MAP7D3: variants seen among roughly 807,000 people sequenced by gnomAD.
MAP7D3 encodes MAP7 domain containing 3, also known as MAP7 domain-containing protein 3.
A neutral mutation model predicts 62.2 loss-of-function variants in MAP7D3; 45 were observed. The observed-to-expected ratio is 0.72, with a 90% CI of 0.57 to 0.93. The LOEUF (loss-of-function observed/expected upper bound fraction) is 0.93. Ranked by LOEUF, MAP7D3 falls within the 40% of genes least tolerant of loss-of-function variation. The probability of loss-of-function intolerance (pLI) is 0.00; values close to 1 mark genes in which losing one functional copy is unlikely to be tolerated. For synonymous variants in MAP7D3, 288 were observed against 248.8 expected (o/e 1.16, Z -1.48); for missense variants, 711 against 683.1 (o/e 1.04, Z -0.45).
chrX:136,256,472 C>T (rs1452031970), exon 1 of MAP7D3: 1 of 522,243 alleles, frequency 1.9e-6, no homozygotes, highest in Non-Finnish European at 2.9e-6. Flanking sequence ...TGCTCTGTAC[C>T]ATTTCCTTTT....
At chrX:136,214,587 G>T (rs1389101526), downstream of MAP7D3, 1 of 111,996 alleles carries the variant, frequency 8.9e-6, no homozygotes, top group Non-Finnish European at 1.9e-5. Flanking sequence ...GATCAGAGAA[G>T]AGCAACAACG....
At chrX:136,219,779 A>G (rs1312376285) in intron 16 of MAP7D3, 108 bp from the exon 17 acceptor site, 1 of 625,067 alleles carries the variant, frequency 1.6e-6, no homozygotes, top group African/African-American at 2.2e-5. Context: ...TTGGAATTAA[A>G]AAACATTTCA....
chrX:136,224,963 T>G, intron 13 of MAP7D3, 83 bp from the exon 14 acceptor site: 1 of 627,446 alleles, frequency 1.6e-6, no homozygotes, highest in Admixed American at 2.6e-5. Context: ...TTATCCCCAT[T>G]TCACAGAGGT....
chrX:136,229,984 TA>T (rs1470963603), intron 10 of MAP7D3, among the ~76,000 whole-genome samples: 13 of 63,305 alleles, frequency 2.1e-4, no homozygotes, highest in African/African-American at 7.8e-4. Flanking sequence ...TATATATATA[TA>T]TATATATATT....
rs1425415449 is a variant in MAP7D3, at chrX:136,251,341, G to A, written c.18C>T (p.Ala6=). ...ATGGGCTGCCGCCAGCGCCAGCTGC[G>A]GCGCCGTCCGCCATCATCGGAGTCG... The part of the protein sequence containing the change: MMADG[A]AAGAGGSPSL... The change falls in exon 1 of 19, where the codon GCC becomes GCT. Residue 6 remains alanine (A), a synonymous_variant. Transcript: ENST00000316077. The A allele has an allele frequency of 9.8e-6, 11 of 1,125,289 alleles. No homozygotes were observed. Among genetic ancestry groups the A allele is most frequent in the African/African-American group, 3.8e-5 (2 of 52,913 alleles). The allele number at this position is 1,125,289 out of a possible 1,213,427, so 92.7% of individuals were successfully genotyped here. A position where few individuals can be genotyped will look rare whatever the true frequency, so the allele number is the denominator to read the frequency against.
Position 136,251,353 on chromosome X carries a change from C to T in MAP7D3, c.6G>A (p.Met2Ile). 1 of 1,122,969 alleles carries T rather than the reference C, an allele frequency of 8.9e-7. No homozygotes were observed. 92.5% of individuals were successfully genotyped at this position (1,122,969 alleles called of 1,213,427 possible). A position where few individuals can be genotyped will look rare whatever the true frequency, so the allele number is the denominator to read the frequency against. MMADGAAAGAGG... is the reference protein window; with the variant it reads MIADGAAAGAGG... ...CAGCGCCAGCTGCGGCGCCGTCCGC[C>T]ATCATCGGAGTCGGGACCGGAGGCG... Residue 2 changes from methionine to isoleucine, a missense_variant, in exon 1 of 19, where the codon ATG becomes ATA. By Grantham distance (10) the Met-to-Ile change is conservative. Coordinates refer to ENST00000316077, the MANE Select transcript of MAP7D3 (RefSeq NM_024597.4).
rs373379524 is a variant in MAP7D3 at position 136,232,037 on chromosome X, G to A, written c.920C>T (p.Pro307Leu). Residue 307 changes from proline (P) to leucine (L), a missense_variant, in exon 8 of 19, where the codon CCC (proline) becomes CTC (leucine). Pro to Leu is a moderately conservative substitution (Grantham distance 98). Coordinates refer to ENST00000316077, the MANE Select transcript of MAP7D3 (RefSeq NM_024597.4). ...GCAGAATACTTCCACATTCACCTGG[G>A]GGGGTGCATCCACACTTGCCTTGGG... Reference protein sequence around the residue: ...TPPKASVDAPPQVNVEVFCNT... With the variant: ...TPPKASVDAPLQVNVEVFCNT... 2.5e-6 allele frequency: 3 copies of A among 1,211,455 alleles called. No individual in the cohort carries two copies. Among genetic ancestry groups the A allele is most frequent in the East Asian group, 5.9e-5 (2 of 33,856 alleles).
chrX:136,240,630 C>CA lies in MAP7D3; in HGVS notation c.536-145_536-144insT, dbSNP rs2074379362. The CA allele has an allele frequency of 9.6e-6, 4 of 418,831 alleles. No individual in the cohort carries two copies. The South Asian group carries it at 1.7e-4, about 18-fold the overall frequency. The allele number at this position is 418,831 out of a possible 1,213,427, so 34.5% of individuals were successfully genotyped here. On this transcript the variant is annotated intron_variant, in intron 5 of 18. Coordinates refer to ENST00000316077, the MANE Select transcript of MAP7D3 (RefSeq NM_024597.4). ...TTCACAATATCACTGCCCGTCAATCCTTTTTTTTTAGTAGAGACGGGGCTT... is the reference window on the plus strand; with the variant it reads ...TTCACAATATCACTGCCCGTCAATCCATTTTTTTTTAGTAGAGACGGGGCTT...
intron 16 of MAP7D3, among the ~76,000 whole-genome samples, chrX:136,220,251 AG>A (rs1331022777): frequency 9.0e-6 from 1 of 111,572 alleles, no homozygotes; most frequent in Non-Finnish European, 1.9e-5. Flanking sequence ...TGAGCCAAGG[AG>A]GTTCAAGACC....
intron 12 of MAP7D3, among the ~76,000 whole-genome samples, chrX:136,226,274 C>G (rs1446914053): frequency 9.0e-6 from 1 of 111,230 alleles, no homozygotes; most frequent in African/African-American, 3.3e-5. Context: ...CATCCTAATT[C>G]AAAGTATGTG....
chrX:136,256,123 G>T (rs1424513972), upstream of MAP7D3: 2 of 747,321 alleles, frequency 2.7e-6, no homozygotes, highest in Non-Finnish European at 3.2e-6. Context: ...TTGAGACAAG[G>T]CTCTGGTTTT....
At position 136,230,917 on chromosome X, in the gene MAP7D3, A is replaced by G; in HGVS notation, c.1463T>C (p.Leu488Pro). The change falls in exon 9 of 19, where the codon CTA becomes CCA. Residue 488 changes from leucine (L) to proline (P), a missense_variant. Transcript: ENST00000316077. The part of the protein sequence containing the change: ...QALIPIAKKR[L>P]SSYTECYKWS... ...TTTATAACACTCAGTGTATGATGAT[A>G]GACGCTTCTTGGCAATAGGGATTAA... The G allele has an allele frequency of 8.3e-7, 1 of 1,198,833 alleles. No homozygotes were observed. Among genetic ancestry groups the G allele is most frequent in the Non-Finnish European group, 1.1e-6 (1 of 884,122 alleles).
At chrX:136,228,862 G>C (rs188365510) in intron 10 of MAP7D3, 104 bp from the exon 11 acceptor site, 1 of 625,837 alleles carries the variant, frequency 1.6e-6, no homozygotes, top group African/African-American at 2.4e-5. Flanking sequence ...ATATATGTGC[G>C]TAGTCCAAAA....
At chrX:136,256,354 G>T, upstream of MAP7D3, 1 of 1,152,117 alleles carries the variant, frequency 8.7e-7, no homozygotes, top group Non-Finnish European at 1.1e-6. Context: ...TCTCAGCTCT[G>T]GAATTCCCAC....
In MAP7D3 at chrX:136,244,482, A is replaced by AGATGCCTCTTCCCCC. The variant is rs769686227; in HGVS notation, c.417+149_417+150insGGGGGAAGAGGCATC. On this transcript the variant is annotated intron_variant, in intron 4 of 18. Coordinates refer to ENST00000316077, the MANE Select transcript of MAP7D3 (RefSeq NM_024597.4). ...CAGGACATGGGTAAAAGCCTATATA[A>AGATGCCTCTTCCCCC]TGCTGAGGGGAAGAGGAAGCGAAGA... 5 of 484,973 alleles carry AGATGCCTCTTCCCCC rather than the reference A, an allele frequency of 1.0e-5. No individual in the cohort carries two copies. The South Asian group carries it at 2.0e-4, about 19-fold the overall frequency. The allele number at this position is 484,973 out of a possible 1,213,427, so 40.0% of individuals were successfully genotyped here. A position where few individuals can be genotyped will look rare whatever the true frequency, so the allele number is the denominator to read the frequency against.
chrX:136,252,966 C>T (rs2074529717), upstream of MAP7D3, among the ~76,000 whole-genome samples: 1 of 107,105 alleles, frequency 9.3e-6, no homozygotes, highest in African/African-American at 3.4e-5. Context: ...GGCGTCGTGG[C>T]GGGCCCCTGT....
downstream of MAP7D3, chrX:136,216,774 C>T (rs2074067825): frequency 8.9e-6 from 1 of 111,784 alleles, no homozygotes; most frequent in Non-Finnish European, 1.9e-5. Context: ...TATACCACCA[C>T]CAGTACACTT....
intron 6 of MAP7D3, 23 bp from the exon 7 acceptor site, chrX:136,236,362 A>G (rs753270677): frequency 3.1e-6 from 3 of 977,474 alleles, no homozygotes; most frequent in Non-Finnish European, 2.9e-6. Context: ...TACAAAAGGA[A>G]TATTAGTTTT....
intron 7 of MAP7D3, among the ~76,000 whole-genome samples, chrX:136,232,796 G>A (rs1445577748): frequency 1.8e-5 from 2 of 111,472 alleles, no homozygotes; most frequent in Non-Finnish European, 3.8e-5. Context: ...TGAAACGGAC[G>A]AAAATGATAA....
Sources: gnomAD v4.1 joint callset for allele counts (sites outside exome capture counted in the v4.1 genomes callset) on GRCh38, gnomAD v4.1.1 for gene constraint, MANE v1.5 for transcripts, NCBI Gene and HGNC (gene_info 2026-07-23, HGNC 2026-07-21) for gene names.